The following STAU2 variants were observed in gnomAD, a reference collection of about 807,000 sequenced individuals.
STAU2 encodes staufen double-stranded RNA binding protein 2.
In STAU2, 20 loss-of-function variants were observed where a neutral mutation model predicts 65.9. The observed-to-expected ratio is 0.30, with a 90% CI of 0.21 to 0.44. STAU2 has a LOEUF of 0.44. Among genes scored for constraint, STAU2 ranks in the 20% least tolerant of loss-of-function variants. The probability of loss-of-function intolerance (pLI) is 1.00; values close to 1 mark genes in which losing one functional copy is unlikely to be tolerated. For synonymous variants in STAU2, 232 were observed against 233.9 expected, an observed-to-expected ratio of 0.99 and a Z score of 0.07; for missense variants, 558 against 683.9, an observed-to-expected ratio of 0.82 and a Z score of 2.05.
In STAU2 at chr8:73,613,868, C is replaced by G. The variant is rs1460114870; in HGVS notation, c.767G>C (p.Ser256Thr). Residue 256 changes from serine to threonine, a missense_variant, in exon 9 of 15, where the codon AGC becomes ACC. Physicochemically the swap from Ser to Thr is moderately conservative, Grantham distance 58. Around this residue, in one of 3 missense-constraint regions of STAU2, gnomAD observed 199 missense variants for 299.5 expected, o/e 0.66. Coordinates refer to ENST00000524300, the MANE Select transcript of STAU2 (RefSeq NM_001164380.2). ...GEFSAEGEGN[S>T]KKLSKKRAAT... ...AGCGCGCTTCTTGGAGAGTTTTTTGCTATTTCCTTCTCCTTCTGCAGAGAA... is the reference window on the plus strand; with the variant it reads ...AGCGCGCTTCTTGGAGAGTTTTTTGGTATTTCCTTCTCCTTCTGCAGAGAA... 6.2e-7 allele frequency: 1 copy of G among 1,613,540 alleles called. No individual in the cohort carries two copies. Among genetic ancestry groups the G allele is most frequent in the African/African-American group, 1.3e-5 (1 of 74,826 alleles).
At chr8:73,481,780 A>G (rs945303838) in intron 13 of STAU2, among the ~76,000 whole-genome samples, 3 of 152,154 alleles carry the variant, frequency 2.0e-5, no homozygotes, top group African/African-American at 7.2e-5. Flanking sequence ...GAAACATTAT[A>G]ATGAATTTTC....
At chr8:73,658,170 C>A (rs184835229) in intron 6 of STAU2, among the ~76,000 whole-genome samples, 2 of 151,870 alleles carry the variant, frequency 1.3e-5, no homozygotes, top group Admixed American at 1.3e-4. Flanking sequence ...TCAAGACCAG[C>A]CTGACCAACA....
intron 9 of STAU2, among the ~76,000 whole-genome samples, chr8:73,605,398 T>C (rs1290886451): frequency 6.7e-6 from 1 of 150,020 alleles, no homozygotes; most frequent in Non-Finnish European, 1.5e-5. Flanking sequence ...AACCTCTGTA[T>C]CCTGGGTTCA....
chr8:73,454,079 A>C (rs545662323), intron 13 of STAU2, among the ~76,000 whole-genome samples: 3 of 152,382 alleles, frequency 2.0e-5, no homozygotes, highest in Admixed American at 2.0e-4. Context: ...TCAGAATATT[A>C]GACTATTTAA....
Position 73,674,347 on chromosome 8 carries a change from T to C in STAU2, c.275-1105A>G, listed in dbSNP as rs541706805. Among the ~76,000 whole-genome samples the C allele has an allele frequency of 4.0e-5, 6 of 151,764 alleles. No individual in the cohort carries two copies. In the South Asian group the frequency reaches 1.3e-3, roughly 32 times the overall value. ...ACAAAGAGAATTATTTCAAAAGACTTAAAAAACTGTAAAATAGCCATGAGA... is the reference window on the plus strand; with the variant it reads ...ACAAAGAGAATTATTTCAAAAGACTCAAAAAACTGTAAAATAGCCATGAGA... On this transcript the variant is annotated intron_variant, in intron 5 of 14. Coordinates refer to ENST00000524300, the MANE Select transcript of STAU2 (RefSeq NM_001164380.2).
At chr8:73,496,856 T>A (rs550251036) in intron 13 of STAU2, among the ~76,000 whole-genome samples, 1 of 151,700 alleles carries the variant, frequency 6.6e-6, no homozygotes, top group South Asian at 2.1e-4. Context: ...AAATGCTCAA[T>A]AGCCACATGT....
intron 13 of STAU2, among the ~76,000 whole-genome samples, chr8:73,544,639 A>C (rs537888946): frequency 1.3e-5 from 2 of 152,326 alleles, no homozygotes; most frequent in South Asian, 2.1e-4. Flanking sequence ...TCCCTCTGCT[A>C]TGAACTCTTC....
At chr8:73,656,542 T>A (rs1452120469) in intron 6 of STAU2, among the ~76,000 whole-genome samples, 1 of 152,256 alleles carries the variant, frequency 6.6e-6, no homozygotes, top group African/African-American at 2.4e-5. Context: ...GAATTATACC[T>A]GCTATTGTTT....
At chr8:73,627,233 A>G (rs954588447) in intron 6 of STAU2, among the ~76,000 whole-genome samples, 141 of 4,974 alleles carry the variant, frequency 0.028, no homozygotes, top group Non-Finnish European at 0.041. Flanking sequence ...AGGGGGGGGC[A>G]GGAGGGCGGG....
At chr8:73,649,377 C>A (rs1033499302) in intron 6 of STAU2, among the ~76,000 whole-genome samples, 1 of 152,104 alleles carries the variant, frequency 6.6e-6, no homozygotes, top group Non-Finnish European at 1.5e-5. Context: ...AACACTGCTC[C>A]CCATTACCCC....
intron 5 of STAU2, among the ~76,000 whole-genome samples, chr8:73,682,855 G>A (rs1436069151): frequency 1.3e-5 from 2 of 151,998 alleles, no homozygotes; most frequent in African/African-American, 2.4e-5. Flanking sequence ...ACACAAACTA[G>A]AAAACCTAGA....
intron 12 of STAU2, among the ~76,000 whole-genome samples, chr8:73,561,147 G>A (rs1808196245): frequency 6.6e-6 from 1 of 152,158 alleles, no homozygotes; most frequent in Admixed American, 6.5e-5. Flanking sequence ...CCCCTAAATA[G>A]TTTGAAATAG....
intron 13 of STAU2, among the ~76,000 whole-genome samples, chr8:73,504,794 G>A (rs1172891791): frequency 1.3e-5 from 2 of 151,776 alleles, no homozygotes; most frequent in Non-Finnish European, 2.9e-5. Flanking sequence ...TCTCCAAATT[G>A]GTTTATTCTA....
chr8:73,555,480 G>T (rs907829799), intron 12 of STAU2, among the ~76,000 whole-genome samples: 1 of 151,874 alleles, frequency 6.6e-6, no homozygotes, highest in Non-Finnish European at 1.5e-5. Context: ...ACAGTCCTCC[G>T]CATGCATGAG....
chr8:73,449,037 G>T (rs555066152), intron 13 of STAU2, among the ~76,000 whole-genome samples: 140 of 152,370 alleles, frequency 9.2e-4, no homozygotes, highest in Non-Finnish European at 1.4e-3. Flanking sequence ...GGCCCCCGGC[G>T]CAGGAGCAAG....
At chr8:73,576,343 TG>T (rs904020661) in intron 12 of STAU2, among the ~76,000 whole-genome samples, 6 of 151,298 alleles carry the variant, frequency 4.0e-5, no homozygotes, top group Admixed American at 3.3e-4. Flanking sequence ...CAATCTTAAG[TG>T]GGGGGCGGGA....
chr8:73,459,355 T>G (rs1018746019), intron 13 of STAU2, among the ~76,000 whole-genome samples: 2 of 152,316 alleles, frequency 1.3e-5, no homozygotes, highest in East Asian at 3.9e-4. Flanking sequence ...TATTATTAGA[T>G]TTGCACCAAA....
chr8:73,421,613 A>G, intron 14 of STAU2, 148 bp from the exon 15 acceptor site: 1 of 699,068 alleles, frequency 1.4e-6, no homozygotes, highest in East Asian at 2.7e-5. Flanking sequence ...CAGATAGTCT[A>G]CTGATGAGAT....
At chr8:73,544,095 G>C (rs779980327) in intron 13 of STAU2, among the ~76,000 whole-genome samples, 7 of 151,918 alleles carry the variant, frequency 4.6e-5, no homozygotes, top group Non-Finnish European at 8.8e-5. Flanking sequence ...TCCTAAAATG[G>C]TCTCTACTTA....
Sources: gnomAD v4.1 joint callset for allele counts (sites outside exome capture counted in the v4.1 genomes callset) on GRCh38, gnomAD v4.1.1 for gene constraint, gnomAD v4.1.1 regional missense constraint, MANE v1.5 for transcripts, NCBI Gene and HGNC (gene_info 2026-07-23, HGNC 2026-07-21) for gene names.